EYS: variants seen among roughly 807,000 people sequenced by gnomAD.
The protein encoded by EYS is protein eyes shut homolog.
EYS carries 250 observed loss-of-function variants against 282.1 expected under a neutral mutation model. The ratio of observed to expected loss-of-function variants is 0.89; its 90% confidence interval spans 0.80 to 0.98. The LOEUF is 0.98. Among genes scored for constraint, EYS ranks in the 50% least tolerant of loss-of-function variants. EYS has a pLI of 0.00. For synonymous variants in EYS, 1,355 were observed against 1,282.9 expected (o/e 1.06, Z -1.20); for missense variants, 4,016 against 3,709.0 (o/e 1.08, Z -2.15).
At chr6:65,593,041 C>T (rs1765288216) in intron 2 of EYS, among the ~76,000 whole-genome samples, 1 of 151,936 alleles carries the variant, frequency 6.6e-6, no homozygotes, top group African/African-American at 2.4e-5. Context: ...ACTAATAATT[C>T]AGCATTACCC....
intron 41 of EYS, among the ~76,000 whole-genome samples, chr6:63,739,772 C>T (rs1293338443): frequency 2.6e-5 from 4 of 151,976 alleles, no homozygotes; most frequent in Non-Finnish European, 1.5e-5. Flanking sequence ...TGGCTCACTG[C>T]AACCTCTACA....
intron 22 of EYS, among the ~76,000 whole-genome samples, chr6:64,703,703 C>A (rs1195766442): frequency 6.6e-6 from 1 of 151,728 alleles, no homozygotes; most frequent in Non-Finnish European, 1.5e-5. Context: ...AACATTGATG[C>A]ATTTAAATAT....
chr6:65,407,493 A>T (rs928967512), intron 5 of EYS, among the ~76,000 whole-genome samples: 1 of 152,020 alleles, frequency 6.6e-6, no homozygotes, highest in East Asian at 1.9e-4. Context: ...TGACCTCATG[A>T]TCTGCCCGTC....
At chr6:65,613,348 C>T (rs1032980935) in intron 2 of EYS, among the ~76,000 whole-genome samples, 6 of 151,762 alleles carry the variant, frequency 4.0e-5, no homozygotes, top group Non-Finnish European at 8.9e-5. Context: ...TGAATCCTTT[C>T]TATGAATATT....
In EYS at chr6:63,984,390, A is replaced by G. The variant is rs935531910; in HGVS notation, c.7048T>C (p.Cys2350Arg). Residue 2350 changes from cysteine (C) to arginine (R), a missense_variant, in exon 35 of 43, where the codon TGC (cysteine) becomes CGC (arginine). Physicochemically the swap from Cys to Arg is radical, Grantham distance 180. Coordinates refer to ENST00000503581, the MANE Select transcript of EYS (RefSeq NM_001142800.2). The stretch of plus-strand genomic sequence containing the variant: ...CAGGAGACTAATACTGACCTGATGC[A>G]GGTGCCATTGTTGCGGCACAGATGA... ...AHHLCRNNGT[C>R]ISDNENLFCE... is the part of the protein sequence containing the mutation. 6.5e-7 allele frequency: 1 copy of G among 1,545,928 alleles called. No individual in the cohort carries two copies. The highest frequency in any genetic ancestry group is 2.0e-5 in the Admixed American group (1 of 50,864).
At chr6:65,171,648 CA>C (rs1216204203) in intron 12 of EYS, among the ~76,000 whole-genome samples, 1 of 151,370 alleles carries the variant, frequency 6.6e-6, no homozygotes, top group East Asian at 2.0e-4. Context: ...AAAAAACAAT[CA>C]AAACTCTGCC....
intron 36 of EYS, among the ~76,000 whole-genome samples, chr6:63,813,073 G>A (rs1197285471): frequency 6.6e-6 from 1 of 152,100 alleles, no homozygotes. Flanking sequence ...CCATCTCCTG[G>A]AATCAAACAA....
In EYS at chr6:64,388,703, T is replaced by G. The variant is rs749392671; in HGVS notation, c.6065A>C (p.His2022Pro). ...SVFIGGFPDL[H>P]GKIQMPVPVK... ...CTATAGAAATACCTGGATTTTCCCA[T>G]GAAGGTCTGGAAATCCACCAATGAA... The change falls in exon 29 of 43, where the codon CAT becomes CCT. Residue 2022 changes from histidine to proline, a missense_variant. By Grantham distance (77) the His-to-Pro change is moderately conservative. Transcript: ENST00000503581. 1.3e-6 allele frequency: 2 copies of G among 1,534,126 alleles called. No homozygotes were observed. The highest frequency in any genetic ancestry group is 1.8e-6 in the Non-Finnish European group (2 of 1,139,566).
At chr6:64,030,628 T>A (rs796086687) in intron 33 of EYS, among the ~76,000 whole-genome samples, 12 of 152,312 alleles carry the variant, frequency 7.9e-5, no homozygotes, top group African/African-American at 2.9e-4. Flanking sequence ...CAAATTCTTA[T>A]ACCAACCTCT....
intron 31 of EYS, among the ~76,000 whole-genome samples, chr6:64,227,256 G>T (rs1483056164): frequency 6.6e-6 from 1 of 151,792 alleles, no homozygotes; most frequent in Non-Finnish European, 1.5e-5. Flanking sequence ...ATTTTATGGG[G>T]ATTATGATAT....
At chr6:64,440,187 T>G (rs1774892606) in intron 26 of EYS, among the ~76,000 whole-genome samples, 1 of 152,112 alleles carries the variant, frequency 6.6e-6, no homozygotes, top group Non-Finnish European at 1.5e-5. Flanking sequence ...ATATTATTTA[T>G]AAAACCATGT....
intron 8 of EYS, among the ~76,000 whole-genome samples, chr6:65,359,241 A>G (rs1018527913): frequency 6.6e-6 from 1 of 152,122 alleles, no homozygotes; most frequent in Admixed American, 6.6e-5. Context: ...ATGTCACATC[A>G]GAAATAAGCA....
At chr6:64,722,654 A>T (rs1196478865) in intron 22 of EYS, among the ~76,000 whole-genome samples, 5 of 152,158 alleles carry the variant, frequency 3.3e-5, no homozygotes, top group Non-Finnish European at 5.9e-5. Flanking sequence ...TTTTTTTCAC[A>T]GCTACAAAGG....
At chr6:64,267,501 C>T (rs572907996) in intron 30 of EYS, among the ~76,000 whole-genome samples, 5 of 152,106 alleles carry the variant, frequency 3.3e-5, no homozygotes, top group African/African-American at 1.2e-4. Flanking sequence ...GCTAGCATCC[C>T]CACTAAATGC....
chr6:63,741,850 A>G, intron 41 of EYS: 1 of 681,974 alleles, frequency 1.5e-6, no homozygotes, highest in Non-Finnish European at 2.7e-6. Context: ...AAATTTAGAA[A>G]GCTGTACTAG....
chr6:65,224,032 T>C (rs76134802), intron 12 of EYS, among the ~76,000 whole-genome samples: 1,581 of 152,250 alleles, frequency 0.01, 30 homozygotes, highest in African/African-American at 0.036. Context: ...ATGAAGTTGC[T>C]TGACAAGATG....
rs138605707 is a variant in EYS at position 63,818,840 on chromosome 6, C to T, written c.7229-12468G>A. On this transcript the variant is annotated intron_variant, in intron 36 of 42. Transcript: ENST00000503581. ...AAAAGCCCTTTCCAAGGGAAACCTC[C>T]GTGTGGCCCTGTGGCAGTCTTCTCC... Among the ~76,000 whole-genome samples the T allele has an allele frequency of 4.5e-3, 681 of 152,304 alleles. 7 individuals are homozygous for T. Among genetic ancestry groups the T allele is most frequent in the African/African-American group, 0.016 (648 of 41,574 alleles).
chr6:64,384,146 T>G (rs9451452), intron 29 of EYS, among the ~76,000 whole-genome samples: 3,630 of 152,288 alleles, frequency 0.024, 76 homozygotes, highest in African/African-American at 0.06. Context: ...ACAGGGCTTT[T>G]TATAAAAGTG....
chr6:64,977,257 T>G (rs1278902948), intron 14 of EYS, among the ~76,000 whole-genome samples: 1 of 151,998 alleles, frequency 6.6e-6, no homozygotes, highest in African/African-American at 2.4e-5. Flanking sequence ...TTGTTAATTC[T>G]CACAATATTT....
Sources: gnomAD v4.1 joint callset for allele counts (sites outside exome capture counted in the v4.1 genomes callset) on GRCh38, gnomAD v4.1.1 for gene constraint, MANE v1.5 for transcripts, NCBI Gene and HGNC (gene_info 2026-07-23, HGNC 2026-07-21) for gene names.